SLC17A5: variants seen among roughly 807,000 people sequenced by gnomAD.
The protein encoded by SLC17A5 is solute carrier family 17 member 5.
SLC17A5 carries 47 observed loss-of-function variants against 59.4 expected under a neutral mutation model. That is an observed-to-expected ratio of 0.79 (90% CI 0.63 to 1.01). The LOEUF is 1.01. Ranked by LOEUF, SLC17A5 falls within the 50% of genes least tolerant of loss-of-function variation. The pLI is 0.00. For missense variants in SLC17A5, 522 were observed against 595.5 expected (o/e 0.88, Z 1.28); for synonymous variants, 202 against 210.7 (o/e 0.96, Z 0.36).
At chr6:73,612,576 T>C (rs1767679268) in intron 8 of SLC17A5, among the ~76,000 whole-genome samples, 1 of 152,138 alleles carries the variant, frequency 6.6e-6, no homozygotes, top group Non-Finnish European at 1.5e-5. Context: ...ACGTACATTT[T>C]TTTCTAACTA....
chr6:73,621,959 A>G lies in SLC17A5; in HGVS notation c.823T>C (p.Ser275Pro), dbSNP rs1406490057. ...ACCCACGGCACTGACTTCTGTGAAG[A>G]AAGCTGAAGAAAACAGGAATAATTA... The part of the protein sequence containing the change: ...YILSSLRNQL[S>P]SQKSVPWVPI... The change falls in exon 7 of 11, where the codon TCT (serine) becomes CCT (proline). Residue 275 changes from serine (S) to proline (P), a missense_variant. Around this residue, in one of 3 missense-constraint regions of SLC17A5, gnomAD observed 338 missense variants for 363.8 expected, o/e 0.93. Coordinates refer to ENST00000355773, the MANE Select transcript of SLC17A5 (RefSeq NM_012434.5). The G allele has an allele frequency of 1.2e-6, 2 of 1,613,974 alleles. No individual in the cohort carries two copies. The highest frequency in any genetic ancestry group is 8.5e-7 in the Non-Finnish European group (1 of 1,179,888).
At chr6:73,627,063 C>T (rs552448639) in intron 6 of SLC17A5, among the ~76,000 whole-genome samples, 6 of 150,446 alleles carry the variant, frequency 4.0e-5, no homozygotes, top group South Asian at 2.1e-4. Flanking sequence ...TGAGCCACCA[C>T]GCCTGGCCAG....
chr6:73,620,945 C>T (rs916402110), intron 7 of SLC17A5, among the ~76,000 whole-genome samples: 4 of 151,768 alleles, frequency 2.6e-5, no homozygotes, highest in Non-Finnish European at 5.9e-5. Context: ...TCTGTATTAT[C>T]GAACTCCTGG....
intron 1 of SLC17A5, among the ~76,000 whole-genome samples, chr6:73,650,507 CAAAAAAAAAAAAAAA>C (rs999445559): frequency 2.8e-5 from 1 of 35,564 alleles, no homozygotes; most frequent in East Asian, 7.6e-4. Flanking sequence ...GACTCCGTCT[CAAAAAAAAAAAAAAA>C]AAAAAAAAAG....
At chr6:73,616,943 T>A (rs1741889) in intron 7 of SLC17A5, among the ~76,000 whole-genome samples, 57,323 of 151,702 alleles carry the variant, frequency 0.38, 11,945 homozygotes, top group African/African-American at 0.56. Context: ...TTTCCCTCAT[T>A]TTTCGCGTCC....
intron 6 of SLC17A5, among the ~76,000 whole-genome samples, chr6:73,633,123 C>G (rs1768837566): frequency 6.6e-6 from 1 of 151,888 alleles, no homozygotes; most frequent in African/African-American, 2.4e-5. Flanking sequence ...GGAGCTGGAA[C>G]TGCACTTGTG....
intron 6 of SLC17A5, among the ~76,000 whole-genome samples, chr6:73,630,465 G>T (rs959531932): frequency 3.9e-5 from 6 of 152,184 alleles, no homozygotes; most frequent in Admixed American, 2.0e-4. Context: ...GTCCAGCTCA[G>T]ATCTCCTTCG....
At chr6:73,633,567 T>C (rs1581980893) in intron 6 of SLC17A5, among the ~76,000 whole-genome samples, 2 of 151,830 alleles carry the variant, frequency 1.3e-5, no homozygotes, top group African/African-American at 4.8e-5. Context: ...CTGGTTATAT[T>C]GTATATAAAT....
At chr6:73,624,846 T>C (rs80347160) in intron 6 of SLC17A5, among the ~76,000 whole-genome samples, 24,563 of 152,014 alleles carry the variant, frequency 0.16, 3,037 homozygotes, top group African/African-American at 0.34. Context: ...GCACTCCAGC[T>C]TGGCGACAGA....
intron 10 of SLC17A5, among the ~76,000 whole-genome samples, chr6:73,597,740 T>C (rs1339653023): frequency 6.6e-6 from 1 of 150,504 alleles, no homozygotes; most frequent in Non-Finnish European, 1.5e-5. Flanking sequence ...GAGCCATGAT[T>C]GCGCCACTGC....
chr6:73,623,169 G>A (rs1220459842), intron 6 of SLC17A5, among the ~76,000 whole-genome samples: 1 of 151,872 alleles, frequency 6.6e-6, no homozygotes, highest in African/African-American at 2.4e-5. Flanking sequence ...CTCACGAGTA[G>A]CTGGGACTAT....
At chr6:73,596,580 G>A (rs1420502358) in intron 10 of SLC17A5, among the ~76,000 whole-genome samples, 1 of 152,174 alleles carries the variant, frequency 6.6e-6, no homozygotes, top group Non-Finnish European at 1.5e-5. Flanking sequence ...CACACGGCCG[G>A]GCGTGGTGGA....
intron 10 of SLC17A5, among the ~76,000 whole-genome samples, chr6:73,599,531 A>G (rs1332834368): frequency 6.6e-6 from 1 of 152,246 alleles, no homozygotes; most frequent in Non-Finnish European, 1.5e-5. Flanking sequence ...AACACATGGT[A>G]GTGAGCTGAC....
At position 73,595,205 on chromosome 6, in the gene SLC17A5, C is replaced by T; in HGVS notation, c.1360G>A (p.Gly454Arg). ...AKSLTPDNTV[G>R]EWQTVFYIAA... is the part of the protein sequence containing the mutation. The stretch of plus-strand genomic sequence containing the variant: ...ATATAGAACACGGTTTGCCATTCTC[C>T]AACAGTGTTCTATAAAGGAAGACAA... The change falls in exon 11 of 11, where the codon GGA (glycine) becomes AGA (arginine). Residue 454 changes from glycine to arginine, a missense_variant. By Grantham distance (125) the Gly-to-Arg change is moderately radical (BLOSUM62 -2). Around this residue, in one of 3 missense-constraint regions of SLC17A5, gnomAD observed 153 missense variants for 168.5 expected, o/e 0.91. Transcript: ENST00000355773. 1 of 1,614,028 alleles carries T rather than the reference C, an allele frequency of 6.2e-7. No homozygotes were observed. Among genetic ancestry groups the T allele is most frequent in the South Asian group, 1.1e-5 (1 of 91,070 alleles).
intron 7 of SLC17A5, among the ~76,000 whole-genome samples, chr6:73,620,184 A>G (rs2150097436): frequency 6.6e-6 from 1 of 152,214 alleles, no homozygotes; most frequent in Non-Finnish European, 1.5e-5. Flanking sequence ...CGGCCTCCCA[A>G]AGTGCTGGTA....
intron 9 of SLC17A5, among the ~76,000 whole-genome samples, chr6:73,602,075 T>C (rs1767149583): frequency 6.6e-6 from 1 of 151,882 alleles, no homozygotes; most frequent in Admixed American, 6.6e-5. Flanking sequence ...TGGGAGACTT[T>C]TCATTTTGTT....
chr6:73,630,825 T>C (rs1447840170), intron 6 of SLC17A5, among the ~76,000 whole-genome samples: 2 of 152,052 alleles, frequency 1.3e-5, no homozygotes, highest in South Asian at 2.1e-4. Context: ...GGCGGGCGGA[T>C]CACCTGAGGT....
intron 7 of SLC17A5, among the ~76,000 whole-genome samples, chr6:73,619,922 GT>G (rs1174723514): frequency 0.17 from 20,436 of 118,806 alleles, 930 homozygotes; most frequent in Non-Finnish European, 0.22. Context: ...TTGAGAATTT[GT>G]TTTTTTTTTT....
intron 1 of SLC17A5, among the ~76,000 whole-genome samples, chr6:73,646,309 C>G (rs1320960176): frequency 6.6e-6 from 1 of 152,150 alleles, no homozygotes; most frequent in Non-Finnish European, 1.5e-5. Flanking sequence ...AATGAATATG[C>G]ACAACTATAC....
Sources: allele counts gnomAD v4.1 joint callset (sites outside exome capture counted in the v4.1 genomes callset), GRCh38; gene constraint gnomAD v4.1.1; regional missense constraint gnomAD v4.1.1; transcripts MANE v1.5; gene names NCBI Gene and HGNC (gene_info 2026-07-23, HGNC 2026-07-21).